GRIK2: variants seen among roughly 807,000 people sequenced by gnomAD.
GRIK2 encodes the protein glutamate ionotropic receptor kainate type subunit 2.
Under a neutral mutation model 100.3 loss-of-function variants are expected in GRIK2, and 32 were observed. The observed-to-expected ratio is 0.32, with a 90% CI of 0.24 to 0.43. GRIK2 has a LOEUF of 0.43. GRIK2 is among the 20% of genes least tolerant of loss of function. The pLI, the probability that GRIK2 is intolerant of heterozygous loss-of-function variation, is 1.00. For synonymous variants in GRIK2, 417 were observed against 389.4 expected (o/e 1.07, Z -0.83); for missense variants, 843 against 1,114.9 (o/e 0.76, Z 3.47).
chr6:101,515,091 G>T (rs889465319), intron 2 of GRIK2, among the ~76,000 whole-genome samples: 1 of 151,974 alleles, frequency 6.6e-6, no homozygotes, highest in Non-Finnish European at 1.5e-5. Flanking sequence ...CTGTATCATT[G>T]TTATGCCTTT....
chr6:101,713,651 T>C (rs1348113085), intron 7 of GRIK2, among the ~76,000 whole-genome samples: 1 of 151,812 alleles, frequency 6.6e-6, no homozygotes, highest in Non-Finnish European at 1.5e-5. Flanking sequence ...GACAAACAAC[T>C]GTTTCTTGCT....
At chr6:101,835,656 G>C (rs1783032588) in intron 10 of GRIK2, among the ~76,000 whole-genome samples, 2 of 149,110 alleles carry the variant, frequency 1.3e-5, no homozygotes, top group African/African-American at 2.4e-5. Flanking sequence ...TTTTAGTAGA[G>C]ATGGGGTTTC....
In GRIK2 at chr6:101,707,602, GTGTGTA is replaced by G. The variant is rs1562324733; in HGVS notation, c.951+21251_951+21256del. ...TGTGTGTGTGTGTGTGTGTATATAT[GTGTGTA>G]TATATATATATATATATATGAATTG... On this transcript the variant is annotated intron_variant, in intron 7 of 16. Transcript: ENST00000369134. 4.4e-4 allele frequency among the ~76,000 whole-genome samples: 56 copies of G among 127,310 alleles called. 2 individuals carry two copies. The highest frequency in any genetic ancestry group is 1.8e-3 in the African/African-American group (53 of 30,144). The allele number at this position is 127,310 out of a possible 152,430, so 83.5% of individuals were successfully genotyped here.
chr6:101,599,028 G>A (rs1779064869), intron 2 of GRIK2, among the ~76,000 whole-genome samples: 2 of 151,578 alleles, frequency 1.3e-5, no homozygotes, highest in African/African-American at 4.8e-5. Context: ...AGTCAGCATA[G>A]TATCCAACAG....
chr6:101,664,748 A>G (rs751845315), intron 4 of GRIK2, among the ~76,000 whole-genome samples: 5 of 152,176 alleles, frequency 3.3e-5, no homozygotes, highest in Non-Finnish European at 7.3e-5. Context: ...GGCCATTTCT[A>G]AAGAGAAAGA....
intron 14 of GRIK2, among the ~76,000 whole-genome samples, chr6:101,965,571 T>C (rs1792611305): frequency 6.6e-6 from 1 of 152,226 alleles, no homozygotes; most frequent in South Asian, 2.1e-4. Context: ...TAATAATTTA[T>C]GTAAGATATA....
chr6:101,780,670 C>T (rs1779028750), intron 7 of GRIK2, among the ~76,000 whole-genome samples: 1 of 152,130 alleles, frequency 6.6e-6, no homozygotes, highest in South Asian at 2.1e-4. Context: ...TGTTCCACCC[C>T]TCTCTTCTTT....
At chr6:101,764,760 T>C (rs1777939556) in intron 7 of GRIK2, among the ~76,000 whole-genome samples, 1 of 152,118 alleles carries the variant, frequency 6.6e-6, no homozygotes, top group Non-Finnish European at 1.5e-5. Flanking sequence ...ATTATACCAA[T>C]GTGTCTGTCA....
chr6:101,810,990 T>C (rs879854494), intron 9 of GRIK2, among the ~76,000 whole-genome samples: 1 of 152,136 alleles, frequency 6.6e-6, no homozygotes, highest in African/African-American at 2.4e-5. Flanking sequence ...CTTTCATACG[T>C]AAATCAGCAT....
At chr6:101,508,358 A>G (rs537666081) in intron 2 of GRIK2, among the ~76,000 whole-genome samples, 3 of 152,168 alleles carry the variant, frequency 2.0e-5, no homozygotes, top group South Asian at 2.1e-4. Flanking sequence ...AAATGTGTCT[A>G]TTAATCCAAT....
chr6:101,458,831 AT>A (rs1421657351), intron 2 of GRIK2, among the ~76,000 whole-genome samples: 2 of 152,180 alleles, frequency 1.3e-5, no homozygotes, highest in African/African-American at 4.8e-5. Flanking sequence ...CTCTCATTTC[AT>A]GAGGCCAAAG....
At chr6:101,745,579 C>T (rs985963531) in intron 7 of GRIK2, among the ~76,000 whole-genome samples, 3 of 152,090 alleles carry the variant, frequency 2.0e-5, no homozygotes, top group South Asian at 2.1e-4. Flanking sequence ...AATATGAAAT[C>T]ACAGTATAAA....
At chr6:101,518,691 A>C (rs1290726388) in intron 2 of GRIK2, among the ~76,000 whole-genome samples, 1 of 152,162 alleles carries the variant, frequency 6.6e-6, no homozygotes, top group Non-Finnish European at 1.5e-5. Context: ...GCTCTTTTAA[A>C]GATTTACAGC....
At chr6:101,684,779 T>C (rs1446672843) in intron 6 of GRIK2, among the ~76,000 whole-genome samples, 1 of 151,884 alleles carries the variant, frequency 6.6e-6, no homozygotes, top group Admixed American at 6.6e-5. Flanking sequence ...GGAAAATTAT[T>C]GGACAAAGGG....
intron 2 of GRIK2, among the ~76,000 whole-genome samples, chr6:101,484,890 A>G (rs1772734920): frequency 6.6e-6 from 1 of 152,214 alleles, no homozygotes; most frequent in Non-Finnish European, 1.5e-5. Flanking sequence ...TTGACAAATA[A>G]CTTAATCACT....
chr6:101,589,601 G>T (rs758799106), intron 2 of GRIK2, among the ~76,000 whole-genome samples: 4 of 152,040 alleles, frequency 2.6e-5, no homozygotes, highest in African/African-American at 7.2e-5. Context: ...ATGTCCTCCA[G>T]GTTAATCCAT....
At chr6:101,902,178 G>A (rs1787894509) in intron 12 of GRIK2, among the ~76,000 whole-genome samples, 1 of 151,940 alleles carries the variant, frequency 6.6e-6, no homozygotes, top group Non-Finnish European at 1.5e-5. Context: ...CAATGGGAGG[G>A]TCACCGAATA....
chr6:102,039,011 GA>G (rs1054230778), intron 15 of GRIK2, among the ~76,000 whole-genome samples: 6 of 150,884 alleles, frequency 4.0e-5, no homozygotes, highest in Non-Finnish European at 7.4e-5. Flanking sequence ...TGGGAAATCA[GA>G]AAAAAAATTA....
chr6:101,881,983 G>A (rs1034758092), intron 11 of GRIK2, among the ~76,000 whole-genome samples: 3 of 152,100 alleles, frequency 2.0e-5, no homozygotes, highest in African/African-American at 7.2e-5. Flanking sequence ...TGGCTGGGGA[G>A]GCCTCACAGT....
Sources: allele counts gnomAD v4.1 joint callset (sites outside exome capture counted in the v4.1 genomes callset), GRCh38; gene constraint gnomAD v4.1.1; transcripts MANE v1.5; gene names NCBI Gene and HGNC (gene_info 2026-07-23, HGNC 2026-07-21).